Variants in FAM135B observed in about 807,000 individuals in gnomAD.
The protein encoded by FAM135B is protein FAM135B.
Under a neutral mutation model 127.7 loss-of-function variants are expected in FAM135B, and 43 were observed. That is an observed-to-expected ratio of 0.34 (90% CI 0.26 to 0.43). FAM135B has a LOEUF of 0.43. Among genes scored for constraint, FAM135B ranks in the 20% least tolerant of loss-of-function variants. The pLI is 1.00. For missense variants in FAM135B, 1,558 were observed against 1,725.6 expected (o/e 0.90, Z 1.72); for synonymous variants, 670 against 665.1 (o/e 1.01, Z -0.11).
chr8:138,272,013 T>A (rs556005774), intron 3 of FAM135B, among the ~76,000 whole-genome samples: 116 of 152,100 alleles, frequency 7.6e-4, no homozygotes, highest in African/African-American at 2.6e-3. Flanking sequence ...TTTTTTTTTT[T>A]AATTTTACTC....
chr8:138,357,309 TAAATA>T (rs1320197439), intron 2 of FAM135B, among the ~76,000 whole-genome samples: 1 of 152,140 alleles, frequency 6.6e-6, no homozygotes, highest in Non-Finnish European at 1.5e-5. Flanking sequence ...CAGCATTGGT[TAAATA>T]AATTATAATA....
At chr8:138,207,916 A>C (rs2129778821) in intron 7 of FAM135B, among the ~76,000 whole-genome samples, 1 of 152,316 alleles carries the variant, frequency 6.6e-6, no homozygotes, top group East Asian at 1.9e-4. Flanking sequence ...GTAAGTATTT[A>C]AATCCAGGGC....
At chr8:138,206,453 A>G (rs1456235748) in intron 7 of FAM135B, among the ~76,000 whole-genome samples, 1,079 of 141,322 alleles carry the variant, frequency 7.6e-3, no homozygotes, top group Middle Eastern at 9.2e-3. Flanking sequence ...CTCCATCTAC[A>G]CACAACTCCA....
intron 3 of FAM135B, among the ~76,000 whole-genome samples, chr8:138,284,009 T>G (rs907682185): frequency 1.3e-5 from 2 of 152,030 alleles, no homozygotes; most frequent in South Asian, 2.1e-4. Flanking sequence ...TATGTGTGTA[T>G]AGGGTGTGGG....
chr8:138,271,361 T>C (rs1211958631), intron 3 of FAM135B, among the ~76,000 whole-genome samples: 1 of 152,242 alleles, frequency 6.6e-6, no homozygotes, highest in South Asian at 2.1e-4. Flanking sequence ...TTTGTTTTCA[T>C]GCACATGGAC....
intron 1 of FAM135B, among the ~76,000 whole-genome samples, chr8:138,394,322 AG>A (rs1444676696): frequency 6.6e-6 from 1 of 152,290 alleles, no homozygotes; most frequent in East Asian, 1.9e-4. Context: ...TACATGTGGC[AG>A]GCACTGGGTC....
At chr8:138,270,579 A>G (rs1294114613) in intron 3 of FAM135B, among the ~76,000 whole-genome samples, 3 of 152,222 alleles carry the variant, frequency 2.0e-5, no homozygotes, top group African/African-American at 7.2e-5. Flanking sequence ...ACAAAATTTG[A>G]TTGGCTCACA....
At position 138,250,853 on chromosome 8, in the gene FAM135B, TG is replaced by T; in HGVS notation, c.529del (p.Gln177SerfsTer3). The T allele has an allele frequency of 1.2e-6, 2 of 1,613,834 alleles. No homozygotes were observed. The highest frequency in any genetic ancestry group is 1.7e-6 in the Non-Finnish European group (2 of 1,180,006). ...TVHAALVALQ[Q>X]PLISFTRPGR... is the part of the protein sequence containing the mutation. ...CTGAACTTCATACCTGATCAATGGCTGCTGCAGAGCCACCAGGGCAGCATGG... is the reference window on the plus strand; with the variant it reads ...CTGAACTTCATACCTGATCAATGGCTCTGCAGAGCCACCAGGGCAGCATGG... On this transcript the variant is annotated frameshift_variant, in exon 6 of 20. Transcript: ENST00000395297. LOFTEE classifies it high-confidence loss of function.
rs2130626174 is a variant in FAM135B, at chr8:138,143,076, C to T, written c.3574G>A (p.Asp1192Asn). 6.2e-7 allele frequency: 1 copy of T among 1,609,770 alleles called. No individual in the cohort carries two copies. The highest frequency in any genetic ancestry group is 1.1e-5 in the South Asian group (1 of 90,998). ...DTFADFDTMT[D>N]RLLDEIIQHI... ...TGAATGATTTCATCCAATAACCGAT[C>T]CGTCATAGTATCAAAATCTGCAAAT... The change falls in exon 16 of 20, where the codon GAT becomes AAT. Residue 1192 changes from aspartate to asparagine, a missense_variant. Coordinates refer to ENST00000395297, the MANE Select transcript of FAM135B (RefSeq NM_015912.4).
At chr8:138,148,049 T>C (rs1486127742) in intron 14 of FAM135B, among the ~76,000 whole-genome samples, 1 of 152,162 alleles carries the variant, frequency 6.6e-6, no homozygotes, top group African/African-American at 2.4e-5. Flanking sequence ...TCAAAATGAA[T>C]ACATTTATTC....
At chr8:138,162,522 T>C (rs1819502336) in intron 12 of FAM135B, among the ~76,000 whole-genome samples, 1 of 152,214 alleles carries the variant, frequency 6.6e-6, no homozygotes. Context: ...GAGATGTTGA[T>C]AATGAAGAAG....
At chr8:138,354,480 C>A (rs16908901) in intron 2 of FAM135B, among the ~76,000 whole-genome samples, 4,958 of 152,176 alleles carry the variant, frequency 0.033, 156 homozygotes, top group East Asian at 0.17. Flanking sequence ...TTCCAAGTAA[C>A]CCATCCTGAT....
intron 1 of FAM135B, among the ~76,000 whole-genome samples, chr8:138,378,604 G>C (rs1053798340): frequency 6.6e-6 from 1 of 152,108 alleles, no homozygotes; most frequent in African/African-American, 2.4e-5. Context: ...AGGAGCAGAG[G>C]GGAGGCTAGA....
intron 13 of FAM135B, 48 bp from the exon 14 acceptor site, chr8:138,148,734 T>C (rs1441433378): frequency 2.1e-6 from 3 of 1,451,058 alleles, no homozygotes; most frequent in Non-Finnish European, 2.8e-6. Context: ...TACTTCATGT[T>C]GAACAGGAAA....
chr8:138,399,579 T>C (rs558202940), intron 1 of FAM135B, among the ~76,000 whole-genome samples: 40 of 152,344 alleles, frequency 2.6e-4, no homozygotes, highest in Non-Finnish European at 5.0e-4. Context: ...TTAGATTTTA[T>C]AGATGGGGGT....
At chr8:138,201,568 C>T (rs1397496705) in intron 7 of FAM135B, among the ~76,000 whole-genome samples, 2 of 152,132 alleles carry the variant, frequency 1.3e-5, no homozygotes, top group Non-Finnish European at 2.9e-5. Context: ...ATTAGTCAGT[C>T]GGGCAGACCT....
At chr8:138,312,788 C>G (rs1282792881) in intron 2 of FAM135B, among the ~76,000 whole-genome samples, 3 of 152,176 alleles carry the variant, frequency 2.0e-5, no homozygotes, top group Admixed American at 2.0e-4. Context: ...GCCAGGCTTC[C>G]ATCCCTAACA....
intron 1 of FAM135B, among the ~76,000 whole-genome samples, chr8:138,462,811 G>GTTT (rs1837201722): frequency 6.6e-6 from 1 of 152,116 alleles, no homozygotes; most frequent in African/African-American, 2.4e-5. Flanking sequence ...GAGGAAGGAG[G>GTTT]TCCAGAGAAA....
At chr8:138,147,633 A>G (rs746898380) in intron 14 of FAM135B, among the ~76,000 whole-genome samples, 13 of 152,208 alleles carry the variant, frequency 8.5e-5, no homozygotes, top group Non-Finnish European at 1.9e-4. Flanking sequence ...GTCATCTTCC[A>G]AAGCACCCTA....
Sources: allele counts gnomAD v4.1 joint callset (sites outside exome capture counted in the v4.1 genomes callset), GRCh38; gene constraint gnomAD v4.1.1; transcripts MANE v1.5; gene names NCBI Gene and HGNC (gene_info 2026-07-23, HGNC 2026-07-21).